PSIP1: variants seen among roughly 807,000 people sequenced by gnomAD.
PSIP1 encodes the protein PC4 and SFRS1-interacting protein.
Under a neutral mutation model 74.7 loss-of-function variants are expected in PSIP1, and 19 were observed. That is an observed-to-expected ratio of 0.25 (90% CI 0.18 to 0.37). The LOEUF is 0.37. Ranked by LOEUF, PSIP1 falls within the 10% of genes least tolerant of loss-of-function variation. PSIP1 has a pLI of 1.00. For missense variants in PSIP1, 601 were observed against 614.3 expected, an observed-to-expected ratio of 0.98 and a Z score of 0.23; for synonymous variants, 222 against 195.3, an observed-to-expected ratio of 1.14 and a Z score of -1.14.
chr9:15,508,640 A>G (rs1037887624), intron 2 of PSIP1, among the ~76,000 whole-genome samples: 1 of 152,200 alleles, frequency 6.6e-6, no homozygotes, highest in Admixed American at 6.5e-5. Flanking sequence ...CTCAAAATAA[A>G]CAAGGATACC....
At chr9:15,478,789 A>G (rs1341892235) in intron 7 of PSIP1, among the ~76,000 whole-genome samples, 1 of 152,152 alleles carries the variant, frequency 6.6e-6, no homozygotes, top group Non-Finnish European at 1.5e-5. Context: ...ATTATGACTG[A>G]GAGGGCTTAA....
chr9:15,479,481 TAATC>T (rs2036241992), intron 7 of PSIP1, 106 bp downstream of exon 7: 3 of 698,920 alleles, frequency 4.3e-6, no homozygotes, highest in Non-Finnish European at 7.0e-6. Flanking sequence ...ATGTTACACA[TAATC>T]AATTGCCTAT....
intron 3 of PSIP1, among the ~76,000 whole-genome samples, chr9:15,492,823 T>G (rs1337371614): frequency 6.6e-6 from 1 of 152,242 alleles, no homozygotes; most frequent in South Asian, 2.1e-4. Context: ...CTGCCAAGGC[T>G]TGGGGCTTGC....
At chr9:15,502,795 T>C (rs1002803730) in intron 3 of PSIP1, among the ~76,000 whole-genome samples, 3 of 152,212 alleles carry the variant, frequency 2.0e-5, no homozygotes, top group African/African-American at 7.2e-5. Context: ...TAAAAATCTG[T>C]CTGAATATGT....
At chr9:15,500,139 G>A (rs2037264834) in intron 3 of PSIP1, among the ~76,000 whole-genome samples, 1 of 152,086 alleles carries the variant, frequency 6.6e-6, no homozygotes. Flanking sequence ...AACTGAATAT[G>A]CACGCACTAT....
chr9:15,506,425 A>C (rs2037590339), intron 3 of PSIP1, 136 bp downstream of exon 3: 1 of 547,350 alleles, frequency 1.8e-6, no homozygotes, highest in Admixed American at 3.2e-5. Context: ...AAAAATAGAG[A>C]CTTAAAGACT....
At chr9:15,510,428 G>T (rs1477428200) in intron 1 of PSIP1, 99 bp from the exon 2 acceptor site, 1 of 397,294 alleles carries the variant, frequency 2.5e-6, no homozygotes, top group Non-Finnish European at 4.5e-6. Context: ...GGGAGAGCGA[G>T]GGGACGGCCG....
chr9:15,492,593 T>TCACAGCCAGTGCCC (rs1243320034), intron 3 of PSIP1, among the ~76,000 whole-genome samples: 3 of 152,146 alleles, frequency 2.0e-5, no homozygotes, highest in African/African-American at 7.2e-5. Context: ...GGCCTTCTTC[T>TCACAGCCAGTGCCC]CACAGCCAGT....
At chr9:15,489,835 T>C in intron 4 of PSIP1, 151 bp downstream of exon 4, 1 of 541,950 alleles carries the variant, frequency 1.8e-6, no homozygotes, top group Non-Finnish European at 2.9e-6. Flanking sequence ...CATTTTGATA[T>C]AAAATGCCCA....
At chr9:15,483,708 A>G (rs1223352691) in intron 6 of PSIP1, among the ~76,000 whole-genome samples, 1 of 152,126 alleles carries the variant, frequency 6.6e-6, no homozygotes, top group East Asian at 1.9e-4. Flanking sequence ...GCCCCAATCC[A>G]ATCCCCATCG....
In PSIP1 at chr9:15,464,307, G is replaced by C. The variant is rs567454715; in HGVS notation, c.*1213C>G. ...CAACCACACAATGTCATACAGAGAC[G>C]CTGGTCTTAAGCCATTTTTTTCCAT... On this transcript the variant is annotated 3_prime_UTR_variant, in exon 16 of 16. Transcript: ENST00000380733. 1 of 193,946 alleles carries C rather than the reference G, an allele frequency of 5.2e-6. No individual in the cohort carries two copies. Among genetic ancestry groups the C allele is most frequent in the Non-Finnish European group, 1.1e-5 (1 of 93,188 alleles). 12.0% of individuals were successfully genotyped at this position (193,946 alleles called of 1,614,324 possible).
Position 15,466,968 on chromosome 9 carries a change from C to T in PSIP1, c.1421-109G>A, listed in dbSNP as rs551230371. On this transcript the variant is annotated intron_variant, in intron 14 of 15. Transcript: ENST00000380733. ...ATACAACATGGCCATCGTGTTTCTA[C>T]TACTTAATGTCTTTTATTTGAAATT... 1.3e-4 allele frequency: 101 copies of T among 753,754 alleles called. No individual in the cohort carries two copies. In the African/African-American group the frequency reaches 1.5e-3, roughly 12 times the overall value. 46.7% of individuals were successfully genotyped at this position (753,754 alleles called of 1,614,324 possible).
intron 2 of PSIP1, among the ~76,000 whole-genome samples, chr9:15,509,804 C>G (rs1464516763): frequency 6.6e-6 from 1 of 152,162 alleles, no homozygotes; most frequent in African/African-American, 2.4e-5. Context: ...AATTTTTAAA[C>G]AAAAATTCAC....
Position 15,464,661 on chromosome 9 carries a change from C to A in PSIP1, c.*859G>T, listed in dbSNP as rs2035489415. Reference sequence around the variant, plus strand: ...TTTTCTTCCAATTAAGTTTTAGTGACTTCCTAAAGACATTTTTAACAACAT... The same window carrying A: ...TTTTCTTCCAATTAAGTTTTAGTGAATTCCTAAAGACATTTTTAACAACAT... On this transcript the variant is annotated 3_prime_UTR_variant, in exon 16 of 16. Coordinates refer to ENST00000380733, the MANE Select transcript of PSIP1 (RefSeq NM_033222.5). 1 of 198,106 alleles carries A rather than the reference C, an allele frequency of 5.0e-6. No homozygotes were observed. Among genetic ancestry groups the A allele is most frequent in the African/African-American group, 2.3e-5 (1 of 43,326 alleles). The allele number at this position is 198,106 out of a possible 1,614,324, so 12.3% of individuals were successfully genotyped here.
At position 15,486,172 on chromosome 9, in the gene PSIP1, G is replaced by A. The variant is rs1442711192; in HGVS notation, c.394-104C>T. On this transcript the variant is annotated intron_variant, in intron 5 of 15. Coordinates refer to ENST00000380733, the MANE Select transcript of PSIP1 (RefSeq NM_033222.5). ...AAGCACGTTTAACTGAAAGCATTGGGGAAATCTGTTTTGCTCTGTAGAGTT... is the reference window on the plus strand; with the variant it reads ...AAGCACGTTTAACTGAAAGCATTGGAGAAATCTGTTTTGCTCTGTAGAGTT... 6 of 941,818 alleles carry A rather than the reference G, an allele frequency of 6.4e-6. No individual in the cohort carries two copies. The African/African-American group carries it at 1.0e-4, about 16-fold the overall frequency. The allele number at this position is 941,818 out of a possible 1,614,324, so 58.3% of individuals were successfully genotyped here.
chr9:15,488,760 G>A (rs1371730133), intron 4 of PSIP1, among the ~76,000 whole-genome samples: 2 of 151,918 alleles, frequency 1.3e-5, no homozygotes, highest in Non-Finnish European at 2.9e-5. Context: ...AGTGGCTCAG[G>A]CCTGTAATCC....
At chr9:15,493,041 C>T (rs1305543344) in intron 3 of PSIP1, among the ~76,000 whole-genome samples, 1 of 152,142 alleles carries the variant, frequency 6.6e-6, no homozygotes, top group Non-Finnish European at 1.5e-5. Context: ...AGGTGTTTTC[C>T]CCATTGTCTT....
chr9:15,471,291 G>A (rs1333464420), intron 10 of PSIP1: 2 of 1,575,704 alleles, frequency 1.3e-6, no homozygotes, highest in African/African-American at 2.7e-5. Flanking sequence ...AGCTGCATCT[G>A]AAATGCTTTA....
intron 12 of PSIP1, 47 bp from the exon 13 acceptor site, chr9:15,469,105 T>G: frequency 1.3e-6 from 2 of 1,519,334 alleles, no homozygotes; most frequent in Non-Finnish European, 1.8e-6. Flanking sequence ...ATCTTAACAC[T>G]TAAACAATCT....
Sources: allele counts gnomAD v4.1 joint callset (sites outside exome capture counted in the v4.1 genomes callset), GRCh38; gene constraint gnomAD v4.1.1; transcripts MANE v1.5; gene names NCBI Gene and HGNC (gene_info 2026-07-23, HGNC 2026-07-21).